Variants in RAB40B observed in about 807,000 individuals in gnomAD.
RAB40B encodes ras-related protein Rab-40B.
Under a neutral mutation model 24.0 loss-of-function variants are expected in RAB40B, and 21 were observed. The ratio of observed to expected loss-of-function variants is 0.88; its 90% CI spans 0.62 to 1.26. RAB40B has a LOEUF of 1.26. Among genes scored for constraint, RAB40B ranks in the 50% most tolerant of loss-of-function variants. The probability of loss-of-function intolerance (pLI) is 0.00; values close to 1 mark genes in which losing one functional copy is unlikely to be tolerated. For missense variants in RAB40B, 348 were observed against 390.5 expected, an observed-to-expected ratio of 0.89 and a Z score of 0.92; for synonymous variants, 167 against 169.8, an observed-to-expected ratio of 0.98 and a Z score of 0.13.
At chr17:82,691,775 G>A (rs1046448153) in intron 1 of RAB40B, among the ~76,000 whole-genome samples, 2 of 152,162 alleles carry the variant, frequency 1.3e-5, no homozygotes, top group Non-Finnish European at 2.9e-5. Context: ...CTGGGGTGGC[G>A]GAAAGGCAGG....
At chr17:82,666,675 T>C (rs994470545) in intron 1 of RAB40B, among the ~76,000 whole-genome samples, 2 of 151,488 alleles carry the variant, frequency 1.3e-5, no homozygotes, top group Admixed American at 1.3e-4. Flanking sequence ...AGGTCTGTCA[T>C]TGAGAACATG....
chr17:82,684,671 G>A (rs546858496), intron 1 of RAB40B, among the ~76,000 whole-genome samples: 1 of 152,334 alleles, frequency 6.6e-6, no homozygotes, highest in South Asian at 2.1e-4. Flanking sequence ...CCGGAGCCAG[G>A]TTCAAAGGCC....
rs1409632407 is a variant in RAB40B at position 82,667,762 on chromosome 17, C to T, written c.143-3206G>A. 6.6e-6 allele frequency among the ~76,000 whole-genome samples: 1 copy of T among 152,186 alleles called. No individual in the cohort carries two copies. The highest frequency in any genetic ancestry group is 6.5e-5 in the Admixed American group (1 of 15,282). ...AAAAGATACAGCAGCACTGAGAACG[C>T]CCGAAGCACCCGCTTTGCAGACGCC... On this transcript the variant is annotated intron_variant, in intron 1 of 5. Transcript: ENST00000571995. The surrounding 1 kb of genome is among the most constrained non-coding windows in gnomAD (Gnocchi z 4.3).
At chr17:82,664,669 AG>A (rs1198547418) in intron 1 of RAB40B, 113 bp from the exon 2 acceptor site, 1 of 1,040,604 alleles carries the variant, frequency 9.6e-7, no homozygotes, top group African/African-American at 1.6e-5. Flanking sequence ...CAGGTTTACA[AG>A]GCAGGCGGAT....
At chr17:82,673,617 G>A (rs754049600) in intron 1 of RAB40B, among the ~76,000 whole-genome samples, 3 of 152,176 alleles carry the variant, frequency 2.0e-5, no homozygotes, top group African/African-American at 7.2e-5. Flanking sequence ...CCTTAAACAC[G>A]TTCAGTCATT....
At chr17:82,689,540 G>C (rs2046534673) in intron 1 of RAB40B, among the ~76,000 whole-genome samples, 1 of 152,232 alleles carries the variant, frequency 6.6e-6, no homozygotes, top group Non-Finnish European at 1.5e-5. Flanking sequence ...GCAGGACACA[G>C]GCGAGGTGGG....
chr17:82,661,888 GAAAAAAAAAAA>G (rs35107485), intron 2 of RAB40B: 2 of 829,618 alleles, frequency 2.4e-6, no homozygotes, highest in African/African-American at 2.9e-5. Context: ...CTCTGTCTCA[GAAAAAAAAAAA>G]AAAAAAAAAA....
At position 82,698,680 on chromosome 17, in the gene RAB40B, G is replaced by A. The variant is rs1417130393; in HGVS notation, c.-84C>T. On this transcript the variant is annotated 5_prime_UTR_variant, in exon 1 of 6. Coordinates refer to ENST00000571995, the MANE Select transcript of RAB40B (RefSeq NM_006822.3). ...GGCCCGGCCCCGAGAGGCGCCGCGC[G>A]GGCCCCGAGTCCTTGCTCGCCTCCG... 25 of 1,063,170 alleles carry A rather than the reference G, an allele frequency of 2.4e-5. No individual in the cohort carries two copies. The highest frequency in any genetic ancestry group is 2.7e-5 in the Non-Finnish European group (23 of 857,742). 65.9% of individuals were successfully genotyped at this position (1,063,170 alleles called of 1,614,324 possible).
chr17:82,686,004 A>G lies in RAB40B; in HGVS notation c.142+12451T>C, dbSNP rs529862149. On this transcript the variant is annotated intron_variant, in intron 1 of 5. Transcript: ENST00000571995. ...TTTTTAGTAGAGACGGGGTTTCACC[A>G]TGTTGGCCAGGCTGGTCTCAAACTG... Among the ~76,000 whole-genome samples the G allele has an allele frequency of 1.8e-3, 266 of 151,558 alleles. 2 individuals carry two copies. The highest frequency in any genetic ancestry group is 3.5e-3 in the South Asian group (17 of 4,800).
At chr17:82,665,938 T>G (rs933393113) in intron 1 of RAB40B, among the ~76,000 whole-genome samples, 1 of 151,718 alleles carries the variant, frequency 6.6e-6, no homozygotes, top group African/African-American at 2.4e-5. Flanking sequence ...AAATCTTTTT[T>G]GAGACAGGGT....
intron 2 of RAB40B, among the ~76,000 whole-genome samples, chr17:82,664,046 G>A (rs1267150800): frequency 2.5e-5 from 3 of 120,176 alleles, no homozygotes; most frequent in Non-Finnish European, 5.3e-5. Context: ...GGGTGTTCCC[G>A]GGGGTGCTGT....
intron 1 of RAB40B, among the ~76,000 whole-genome samples, chr17:82,671,186 AC>A (rs766184510): frequency 4.9e-5 from 7 of 142,044 alleles, no homozygotes; most frequent in Non-Finnish European, 1.1e-4. Flanking sequence ...TCACTGACAC[AC>A]CCCACCCCCG....
chr17:82,674,853 G>C (rs934572553), intron 1 of RAB40B, among the ~76,000 whole-genome samples: 1 of 151,946 alleles, frequency 6.6e-6, no homozygotes, highest in South Asian at 2.1e-4. Flanking sequence ...GCAGGGCCAG[G>C]GTGTGTGCAG....
chr17:82,665,112 A>G (rs1274297211), intron 1 of RAB40B, among the ~76,000 whole-genome samples: 2 of 152,200 alleles, frequency 1.3e-5, no homozygotes, highest in Non-Finnish European at 2.9e-5. Flanking sequence ...TGAACCACGC[A>G]TGTGCAGGGA....
intron 1 of RAB40B, among the ~76,000 whole-genome samples, chr17:82,677,927 A>G (rs2046410954): frequency 1.3e-5 from 2 of 152,192 alleles, no homozygotes; most frequent in Non-Finnish European, 2.9e-5. Context: ...ACTCATTTCA[A>G]GTCTCTCTTT....
chr17:82,662,103 C>T (rs2046181812), intron 2 of RAB40B: 1 of 985,414 alleles, frequency 1.0e-6, no homozygotes, highest in African/African-American at 1.7e-5. Context: ...CGGTGGGACG[C>T]GGCATGGTTT....
chr17:82,687,247 A>G (rs181083284), intron 1 of RAB40B, among the ~76,000 whole-genome samples: 1 of 152,316 alleles, frequency 6.6e-6, no homozygotes, highest in African/African-American at 2.4e-5. Context: ...GATGAATTTT[A>G]TTAATCTAAG....
In RAB40B at chr17:82,663,694, C is replaced by T. The variant is rs575129702; in HGVS notation, c.203+802G>A. ...GACCACAGCCCCGCTGGCACCAGGA[C>T]GCTCCGAGCTCCCTGCCGGGTGCTC... On this transcript the variant is annotated intron_variant, in intron 2 of 5. Transcript: ENST00000571995. The surrounding 1 kb of genome is among the most constrained non-coding windows in gnomAD (Gnocchi z 6.2). 6.2e-4 allele frequency among the ~76,000 whole-genome samples: 94 copies of T among 152,270 alleles called. No individual in the cohort carries two copies. Among genetic ancestry groups the T allele is most frequent in the African/African-American group, 1.9e-3 (78 of 41,546 alleles).
intron 1 of RAB40B, among the ~76,000 whole-genome samples, chr17:82,674,147 C>A (rs2143508843): frequency 6.6e-6 from 1 of 151,634 alleles, no homozygotes; most frequent in Admixed American, 6.6e-5. Flanking sequence ...TTGAGACCAG[C>A]CTGGCCAACA....
Sources: gnomAD v4.1 joint callset for allele counts (sites outside exome capture counted in the v4.1 genomes callset) on GRCh38, gnomAD v4.1.1 for gene constraint, Gnocchi (gnomAD v3.1) non-coding constraint, MANE v1.5 for transcripts, NCBI Gene and HGNC (gene_info 2026-07-23, HGNC 2026-07-21) for gene names.